The following MAD1L1 variants were observed in gnomAD, a reference collection of about 807,000 sequenced individuals.
MAD1L1 encodes mitotic arrest deficient 1 like 1.
MAD1L1 carries 95 observed loss-of-function variants against 96.9 expected under a neutral mutation model. The observed-to-expected ratio is 0.98, with a 90% CI of 0.83 to 1.16. The LOEUF (loss-of-function observed/expected upper bound fraction) is 1.16, where lower values mean the gene tolerates loss of function less well. Ranked by LOEUF, MAD1L1 falls within the 50% of genes most tolerant of loss-of-function variation. The probability of loss-of-function intolerance (pLI) is 0.00; values close to 1 mark genes in which losing one functional copy is unlikely to be tolerated. For synonymous variants in MAD1L1, 473 were observed against 396.6 expected (o/e 1.19, Z -2.29); for missense variants, 1,007 against 954.4 (o/e 1.06, Z -0.73).
rs1787895009 is a variant in MAD1L1, at chr7:2,119,952, C to T, written c.1073+29200G>A. On this transcript the variant is annotated intron_variant, in intron 11 of 18. Coordinates refer to ENST00000265854, the MANE Select transcript of MAD1L1 (RefSeq NM_001013836.2). The surrounding 1 kb of genome is among the most constrained non-coding windows in gnomAD (Gnocchi z 4.6). ...CTCAGCATCCTCCTCACTCCACCTCCTCCCAGCATGCGCCCAAGGCATCCC... is the reference window on the plus strand; with the variant it reads ...CTCAGCATCCTCCTCACTCCACCTCTTCCCAGCATGCGCCCAAGGCATCCC... Among the ~76,000 whole-genome samples the T allele has an allele frequency of 6.6e-6, 1 of 152,164 alleles. No homozygotes were observed. Among genetic ancestry groups the T allele is most frequent in the African/African-American group, 2.4e-5 (1 of 41,442 alleles).
At chr7:1,859,690 G>A (rs1344018792) in intron 18 of MAD1L1, among the ~76,000 whole-genome samples, 1 of 152,156 alleles carries the variant, frequency 6.6e-6, no homozygotes, top group Non-Finnish European at 1.5e-5. Flanking sequence ...GGTGCTCTCC[G>A]TAGACCTGAC....
chr7:2,079,920 C>T, intron 11 of MAD1L1: 3 of 372,084 alleles, frequency 8.1e-6, no homozygotes, highest in Non-Finnish European at 1.6e-5. Flanking sequence ...AGAAGATAAT[C>T]CGGTGCCTGG....
intron 18 of MAD1L1, among the ~76,000 whole-genome samples, chr7:1,866,143 A>AG (rs1347015403): frequency 1.3e-5 from 2 of 152,068 alleles, no homozygotes; most frequent in African/African-American, 4.8e-5. Flanking sequence ...GGTTGGTGGG[A>AG]GGGGGGCCAG....
chr7:1,936,835 G>A lies in MAD1L1; in HGVS notation c.1659C>T (p.Ala553=), dbSNP rs376849268. 8.7e-6 allele frequency: 14 copies of A among 1,605,758 alleles called. No homozygotes were observed. Among genetic ancestry groups the A allele is most frequent in the Non-Finnish European group, 3.4e-6 (4 of 1,176,798 alleles). The change falls in exon 17 of 19, where the codon GCC becomes GCT. Residue 553 remains alanine, a synonymous_variant. Transcript: ENST00000265854. The stretch of plus-strand genomic sequence containing the variant: ...TGTGGTCCTCGCGCAGGCGCTGCCT[G>A]GCCACACTGGTGGGGTTCAGGCTCA... ...LHMSLNPTSV[A]RQRLREDHSQ...
chr7:2,222,781 C>A (rs1793679284), intron 4 of MAD1L1, 27 bp from the exon 5 acceptor site: 1 of 1,552,190 alleles, frequency 6.4e-7, no homozygotes, highest in South Asian at 1.2e-5. Flanking sequence ...AGTCAGATGC[C>A]ACGTGCCGCC....
intron 10 of MAD1L1, among the ~76,000 whole-genome samples, chr7:2,165,785 C>A (rs1441805335): frequency 2.6e-5 from 4 of 152,100 alleles, no homozygotes. Context: ...AGGCTCAGGG[C>A]GAGACAGAGT....
chr7:1,912,578 ACCCTGTGCTCCCCAT>A (rs1788091027), intron 17 of MAD1L1, among the ~76,000 whole-genome samples: 1 of 152,022 alleles, frequency 6.6e-6, no homozygotes, highest in Non-Finnish European at 1.5e-5. Context: ...AGCCACCGGG[ACCCTGTGCTCCCCAT>A]CCCTGCACCA....
rs535834929 is a variant in MAD1L1, at chr7:1,976,989, C to T, written c.1505+3464G>A. Among the ~76,000 whole-genome samples the T allele has an allele frequency of 2.0e-5, 3 of 152,276 alleles. No homozygotes were observed. In the South Asian group the frequency reaches 6.2e-4, roughly 31 times the overall value. On this transcript the variant is annotated intron_variant, in intron 15 of 18. Transcript: ENST00000265854. ...GATTGCTGATTGGTGCATTTACAAT[C>T]CTCTATCTAGACATAAAATTTCTCC...
intron 12 of MAD1L1, among the ~76,000 whole-genome samples, chr7:2,016,428 G>A (rs1782543274): frequency 6.6e-6 from 1 of 152,156 alleles, no homozygotes; most frequent in African/African-American, 2.4e-5. Context: ...GAAGCGGAGT[G>A]CACAAAACTG....
chr7:2,188,374 G>A (rs1482357429), intron 10 of MAD1L1, among the ~76,000 whole-genome samples: 1 of 152,112 alleles, frequency 6.6e-6, no homozygotes, highest in Non-Finnish European at 1.5e-5. Flanking sequence ...GGACCCAAAG[G>A]TCCCTCGCCA....
intron 12 of MAD1L1, among the ~76,000 whole-genome samples, chr7:2,064,302 A>G (rs995753094): frequency 6.6e-6 from 1 of 152,198 alleles, no homozygotes; most frequent in Admixed American, 6.5e-5. Flanking sequence ...CATCCTGGGC[A>G]CAGAAACGAC....
intron 11 of MAD1L1, among the ~76,000 whole-genome samples, chr7:2,138,838 A>C (rs954239939): frequency 6.6e-6 from 1 of 151,996 alleles, no homozygotes; most frequent in African/African-American, 2.4e-5. Flanking sequence ...CACAGACCCC[A>C]CTCCTGCAAA....
intron 18 of MAD1L1, chr7:1,816,863 C>G (rs1781835151): frequency 2.0e-5 from 3 of 151,986 alleles, no homozygotes; most frequent in African/African-American, 7.2e-5. Flanking sequence ...AGAGGCCCTT[C>G]TGAGCTGCCC....
At chr7:2,225,671 T>C in intron 3 of MAD1L1, 121 bp from the exon 4 acceptor site, 1 of 1,114,638 alleles carries the variant, frequency 9.0e-7, no homozygotes, top group Non-Finnish European at 1.3e-6. Context: ...GTGCTAAGTC[T>C]TGATGTGGCC....
At chr7:2,010,282 C>T (rs1395473310) in intron 13 of MAD1L1, among the ~76,000 whole-genome samples, 1 of 151,994 alleles carries the variant, frequency 6.6e-6, no homozygotes, top group African/African-American at 2.4e-5. Flanking sequence ...CTGCCCGAGC[C>T]TCTGGGAGGT....
intron 10 of MAD1L1, among the ~76,000 whole-genome samples, chr7:2,208,076 T>C (rs1369508646): frequency 1.3e-5 from 2 of 152,204 alleles, no homozygotes; most frequent in African/African-American, 2.4e-5. Flanking sequence ...TGTCTCCATT[T>C]TTCTACATCA....
chr7:2,146,591 G>A lies in MAD1L1; in HGVS notation c.1073+2561C>T, dbSNP rs866691897. ...AGACGAGGGAAAATGCCCAGCAGCT[G>A]CTCTCATGACCCGTGACCTCAGCTG... On this transcript the variant is annotated intron_variant, in intron 11 of 18. Coordinates refer to ENST00000265854, the MANE Select transcript of MAD1L1 (RefSeq NM_001013836.2). This position sits in a 1 kb window ranked among gnomAD's most constrained non-coding sequence, Gnocchi z 6.2. Among the ~76,000 whole-genome samples the A allele has an allele frequency of 3.9e-5, 6 of 152,238 alleles. No individual in the cohort carries two copies. Among genetic ancestry groups the A allele is most frequent in the African/African-American group, 1.4e-4 (6 of 41,466 alleles).
At chr7:2,080,619 G>T (rs1397849321) in intron 11 of MAD1L1, among the ~76,000 whole-genome samples, 2 of 150,614 alleles carry the variant, frequency 1.3e-5, no homozygotes, top group Non-Finnish European at 2.9e-5. Flanking sequence ...ATGGGAGCAG[G>T]ACTCAAAGAA....
Position 2,060,208 on chromosome 7 carries a change from T to C in MAD1L1, c.1218+8986A>G, listed in dbSNP as rs756824257. Among the ~76,000 whole-genome samples the C allele has an allele frequency of 3.1e-4, 46 of 148,962 alleles. 1 individual carries two copies. Among genetic ancestry groups the C allele is most frequent in the Non-Finnish European group, 5.6e-4 (38 of 67,550 alleles). On this transcript the variant is annotated intron_variant, in intron 12 of 18. Transcript: ENST00000265854. ...ATACACCGATGCCAAGATACGCAGATGCCAAGTTACGCCGATGCCGAGATA... is the reference window on the plus strand; with the variant it reads ...ATACACCGATGCCAAGATACGCAGACGCCAAGTTACGCCGATGCCGAGATA...
Sources: allele counts gnomAD v4.1 joint callset (sites outside exome capture counted in the v4.1 genomes callset), GRCh38; gene constraint gnomAD v4.1.1; non-coding constraint Gnocchi (gnomAD v3.1); transcripts MANE v1.5; gene names NCBI Gene and HGNC (gene_info 2026-07-23, HGNC 2026-07-21).